LARGE1: variants seen among roughly 807,000 people sequenced by gnomAD.
LARGE1 encodes the protein LARGE xylosyl- and glucuronyltransferase 1.
Under a neutral mutation model 87.6 loss-of-function variants are expected in LARGE1, and 43 were observed. That is an observed-to-expected ratio of 0.49 (90% confidence interval 0.38 to 0.63). The LOEUF is 0.63. Among genes scored for constraint, LARGE1 ranks in the 30% least tolerant of loss-of-function variants. LARGE1 has a pLI of 0.00. For missense variants in LARGE1, 802 were observed against 1,000.2 expected, an observed-to-expected ratio of 0.80 and a Z score of 2.67; for synonymous variants, 434 against 394.6, an observed-to-expected ratio of 1.10 and a Z score of -1.18.
At chr22:33,222,252 C>T (rs1026471752) in intron 11 of LARGE1, among the ~76,000 whole-genome samples, 1 of 152,168 alleles carries the variant, frequency 6.6e-6, no homozygotes, top group African/African-American at 2.4e-5. Flanking sequence ...CAGGGTGCTG[C>T]ACCTGAGTGC....
chr22:33,554,737 C>A (rs964071053), intron 6 of LARGE1, among the ~76,000 whole-genome samples: 19 of 152,210 alleles, frequency 1.2e-4, no homozygotes, highest in African/African-American at 4.6e-4. Flanking sequence ...CTTTTCAAAT[C>A]TTCTAAACTG....
chr22:33,863,301 G>C (rs139294064), intron 1 of LARGE1, among the ~76,000 whole-genome samples: 2 of 152,330 alleles, frequency 1.3e-5, no homozygotes, highest in African/African-American at 4.8e-5. Flanking sequence ...CAATAATGCT[G>C]TTGTCTTTAT....
intron 3 of LARGE1, among the ~76,000 whole-genome samples, chr22:33,644,939 C>T (rs768573910): frequency 6.6e-6 from 1 of 152,194 alleles, no homozygotes; most frequent in Non-Finnish European, 1.5e-5. Flanking sequence ...ACATTCCATG[C>T]TCATGGATAG....
intron 9 of LARGE1, among the ~76,000 whole-genome samples, chr22:33,375,088 C>T (rs1482406739): frequency 2.6e-5 from 4 of 152,094 alleles, no homozygotes; most frequent in Admixed American, 6.6e-5. Context: ...ACTAATCAAG[C>T]TCAAGCAGAA....
chr22:33,437,542 TAAA>T (rs2067314760), intron 6 of LARGE1, among the ~76,000 whole-genome samples: 2 of 152,300 alleles, frequency 1.3e-5, no homozygotes, highest in Non-Finnish European at 2.9e-5. Flanking sequence ...ACATTACCAC[TAAA>T]AGCGTCGATG....
intron 1 of LARGE1, among the ~76,000 whole-genome samples, chr22:33,825,901 G>A (rs1221071517): frequency 3.9e-5 from 6 of 152,054 alleles, no homozygotes; most frequent in Non-Finnish European, 7.4e-5. Context: ...CGTTATAATG[G>A]AGGGACAAGG....
chr22:33,750,218 A>G (rs1418353687), intron 2 of LARGE1, among the ~76,000 whole-genome samples: 1 of 152,204 alleles, frequency 6.6e-6, no homozygotes, highest in Non-Finnish European at 1.5e-5. Context: ...GGAAGGATGG[A>G]GATCGTGACA....
Position 33,731,103 on chromosome 22 carries a change from C to T in LARGE1, c.106+30268G>A, listed in dbSNP as rs369616810. Among the ~76,000 whole-genome samples, 68 of 150,890 alleles carry T rather than the reference C, an allele frequency of 4.5e-4. No homozygotes were observed. The East Asian group carries it at 6.5e-3, about 14-fold the overall frequency. On this transcript the variant is annotated intron_variant, in intron 2 of 14. Transcript: ENST00000397394. Reference sequence around the variant, plus strand: ...CTGCAAGCTCCGCCTCCCGGGTTCACGCCATTCTCCTGCCTCAGCCTTCCC... The same window carrying T: ...CTGCAAGCTCCGCCTCCCGGGTTCATGCCATTCTCCTGCCTCAGCCTTCCC...
At chr22:33,267,987 G>A (rs1407009618), downstream of LARGE1, among the ~76,000 whole-genome samples, 1 of 150,066 alleles carries the variant, frequency 6.7e-6, no homozygotes, top group Non-Finnish European at 1.5e-5. Context: ...ACGGGGTCTT[G>A]CTCTGTTGCC....
intron 6 of LARGE1, among the ~76,000 whole-genome samples, chr22:33,531,209 G>T (rs1199444009): frequency 6.6e-6 from 1 of 152,196 alleles, no homozygotes; most frequent in Non-Finnish European, 1.5e-5. Flanking sequence ...CCAGGCTGGA[G>T]TGCAATGGCG....
intron 7 of LARGE1, among the ~76,000 whole-genome samples, chr22:33,408,816 G>A (rs1006078897): frequency 6.6e-6 from 1 of 151,624 alleles, no homozygotes; most frequent in Admixed American, 6.6e-5. Flanking sequence ...TCAGTAGGCA[G>A]ACATTAAATA....
At chr22:33,918,212 T>C (rs2065843226) in intron 1 of LARGE1, among the ~76,000 whole-genome samples, 1 of 152,208 alleles carries the variant, frequency 6.6e-6, no homozygotes, top group Non-Finnish European at 1.5e-5. Flanking sequence ...CAAAGGAATC[T>C]GCATTGGCTC....
chr22:33,114,232 T>C, the LARGE1 span, among the ~76,000 whole-genome samples: 1 of 152,122 alleles, frequency 6.6e-6, no homozygotes, highest in African/African-American at 2.4e-5. Flanking sequence ...AATTAGCTAA[T>C]AGAGGCTAAA....
intron 2 of LARGE1, among the ~76,000 whole-genome samples, chr22:33,713,613 T>C (rs2082809196): frequency 6.6e-6 from 1 of 151,964 alleles, no homozygotes; most frequent in African/African-American, 2.4e-5. Flanking sequence ...GCATAAATGA[T>C]CGATCCATGT....
chr22:33,581,430 T>A, intron 5 of LARGE1, among the ~76,000 whole-genome samples: 1 of 152,224 alleles, frequency 6.6e-6, no homozygotes. Context: ...CTTGAAATGT[T>A]TCCAAGTTTC....
intron 11 of LARGE1, among the ~76,000 whole-genome samples, chr22:33,205,211 G>A (rs550069616): frequency 6.6e-6 from 1 of 152,044 alleles, no homozygotes. Context: ...TTGCTTCTGG[G>A]CAATGCTCAC....
At chr22:33,760,196 TAAATAA>T (rs887225110) in intron 2 of LARGE1, among the ~76,000 whole-genome samples, 1 of 152,116 alleles carries the variant, frequency 6.6e-6, no homozygotes, top group African/African-American at 2.4e-5. Context: ...AGTGTGGGGG[TAAATAA>T]AAATAAAGTC....
At chr22:33,270,212 T>C (rs1157295356), downstream of LARGE1, among the ~76,000 whole-genome samples, 2 of 152,158 alleles carry the variant, frequency 1.3e-5, no homozygotes, top group African/African-American at 4.8e-5. Flanking sequence ...TATCCGACAT[T>C]AGATCCTATG....
chr22:33,370,456 G>T (rs1454645677), intron 9 of LARGE1, among the ~76,000 whole-genome samples: 2 of 152,230 alleles, frequency 1.3e-5, no homozygotes, highest in Middle Eastern at 3.4e-3. Context: ...AAATCAAACT[G>T]CTTTATCCAA....
Sources: gnomAD v4.1 joint callset for allele counts (sites outside exome capture counted in the v4.1 genomes callset) on GRCh38, gnomAD v4.1.1 for gene constraint, MANE v1.5 for transcripts, NCBI Gene and HGNC (gene_info 2026-07-23, HGNC 2026-07-21) for gene names.